SNCG: variants seen among roughly 807,000 people sequenced by gnomAD.
SNCG encodes gamma-synuclein.
SNCG carries 13 observed loss-of-function variants against 16.0 expected under a neutral mutation model. That is an observed-to-expected ratio of 0.81 (90% confidence interval 0.53 to 1.29). The LOEUF is 1.29. Among genes scored for constraint, SNCG ranks in the 50% most tolerant of loss-of-function variants. The pLI, the probability that SNCG is intolerant of heterozygous loss-of-function variation, is 0.00. For synonymous variants in SNCG, 66 were observed against 66.3 expected, an observed-to-expected ratio of 1.00 and a Z score of 0.02; for missense variants, 154 against 168.5, an observed-to-expected ratio of 0.91 and a Z score of 0.48.
At chr10:86,957,927 A>T, upstream of SNCG, 1 of 1,042,738 alleles carries the variant, frequency 9.6e-7, no homozygotes, top group Non-Finnish European at 1.2e-6. Context: ...CCTGCTGCCC[A>T]TCCACACTGC....
chr10:86,959,613 C>T lies in SNCG; in HGVS notation c.122-20C>T. On this transcript the variant is annotated intron_variant, in intron 1 of 4. Transcript: ENST00000372017. This position sits in a 1 kb window ranked among gnomAD's most constrained non-coding sequence, Gnocchi z 4.3. ...ACACCTCGAGGGAGGTCTGGGCTGA[C>T]AGCTCCATTTCCTCCCCAGGAGCCA... is the stretch of plus-strand genomic sequence containing the variant. 3 of 1,613,182 alleles carry T rather than the reference C, an allele frequency of 1.9e-6. No homozygotes were observed. Among genetic ancestry groups the T allele is most frequent in the Middle Eastern group, 1.7e-4 (1 of 6,058 alleles).
rs552659947 is a variant in SNCG at position 86,962,451 on chromosome 10, C to T, written c.292-153C>T. Among the ~76,000 whole-genome samples the T allele has an allele frequency of 9.2e-5, 14 of 152,234 alleles. 1 individual carries two copies. In the South Asian group the frequency reaches 1.2e-3, roughly 14 times the overall value. ...AGCCCCGGGTATTGTCTGAATTGCA[C>T]GCCCCCAATACCTCCAGCCCCTCCA... On this transcript the variant is annotated intron_variant, in intron 3 of 4. Coordinates refer to ENST00000372017, the MANE Select transcript of SNCG (RefSeq NM_003087.3).
Position 86,960,018 on chromosome 10 carries a change from G to A in SNCG, c.181G>A (p.Glu61Lys). ...TCCCATAGTGGCCGAGAAGACCAAGGAGCAGGCCAACGCCGTGAGCGAGGC... is the reference window on the plus strand; with the variant it reads ...TCCCATAGTGGCCGAGAAGACCAAGAAGCAGGCCAACGCCGTGAGCGAGGC... ...SVTSVAEKTKEQANAVSEAVV... is the reference protein window; with the variant it reads ...SVTSVAEKTKKQANAVSEAVV... The change falls in exon 3 of 5, where the codon GAG (glutamate) becomes AAG (lysine). Residue 61 changes from glutamate to lysine, a missense_variant. Physicochemically the swap from Glu to Lys is moderately conservative, Grantham distance 56. Transcript: ENST00000372017. The A allele has an allele frequency of 6.2e-7, 1 of 1,605,076 alleles. No individual in the cohort carries two copies. Among genetic ancestry groups the A allele is most frequent in the African/African-American group, 1.3e-5 (1 of 74,968 alleles).
chr10:86,962,213 CCAAT>C (rs1253080615), intron 3 of SNCG, among the ~76,000 whole-genome samples: 62 of 152,122 alleles, frequency 4.1e-4, no homozygotes, highest in Admixed American at 8.5e-4. Flanking sequence ...TATGTGAACC[CCAAT>C]CAGTCTTCCT....
chr10:86,958,436 G>A, upstream of SNCG: 1 of 985,424 alleles, frequency 1.0e-6, no homozygotes, highest in Non-Finnish European at 1.2e-6. Context: ...TGAGCCAGCA[G>A]GAGCCCAGGG....
upstream of SNCG, among the ~76,000 whole-genome samples, chr10:86,955,990 G>A (rs1165547174): frequency 1.3e-5 from 2 of 152,166 alleles, no homozygotes; most frequent in African/African-American, 2.4e-5. Context: ...AGGGGGTGGG[G>A]AGGAAGAGGA....
Position 86,962,997 on chromosome 10 carries a change from C to G in SNCG, c.*12C>G. The G allele has an allele frequency of 6.2e-7, 1 of 1,601,712 alleles. No individual in the cohort carries two copies. Among genetic ancestry groups the G allele is most frequent in the Non-Finnish European group, 8.5e-7 (1 of 1,174,902 alleles). On this transcript the variant is annotated 3_prime_UTR_variant, in exon 5 of 5. Transcript: ENST00000372017. Reference sequence around the variant, plus strand: ...GTGGGGGAGACTAGAGGGCTACAGGCCAGCGTGGATGACCTGAAGAGCGCT... The same window carrying G: ...GTGGGGGAGACTAGAGGGCTACAGGGCAGCGTGGATGACCTGAAGAGCGCT...
Position 86,962,956 on chromosome 10 carries a change from C to G in SNCG, c.364-9C>G, listed in dbSNP as rs1305179184. ...TGGAGCTGGGTGTGCAGGTCATTCTCTCTCCCAGGCCCAGAGTGGGGGAGA... is the reference window on the plus strand; with the variant it reads ...TGGAGCTGGGTGTGCAGGTCATTCTGTCTCCCAGGCCCAGAGTGGGGGAGA... On this transcript the variant is annotated splice_polypyrimidine_tract_variant and intron_variant, in intron 4 of 4. Coordinates refer to ENST00000372017, the MANE Select transcript of SNCG (RefSeq NM_003087.3). 6.2e-7 allele frequency: 1 copy of G among 1,601,544 alleles called. No individual in the cohort carries two copies. Among genetic ancestry groups the G allele is most frequent in the Non-Finnish European group, 8.5e-7 (1 of 1,175,088 alleles).
rs952172429 is a variant in SNCG at position 86,959,744 on chromosome 10, G to A, written c.163+70G>A. ...TGGGGCTCCTGCATCCTAGTGCTGG[G>A]GCTCAAACCTAGAGTCCTGCCTTAC... On this transcript the variant is annotated intron_variant, in intron 2 of 4. Coordinates refer to ENST00000372017, the MANE Select transcript of SNCG (RefSeq NM_003087.3). The surrounding 1 kb of genome is among the most constrained non-coding windows in gnomAD (Gnocchi z 4.3). The A allele has an allele frequency of 2.1e-5, 31 of 1,453,760 alleles. No individual in the cohort carries two copies. Among genetic ancestry groups the A allele is most frequent in the African/African-American group, 8.5e-5 (6 of 70,896 alleles). The allele number at this position is 1,453,760 out of a possible 1,614,324, so 90.1% of individuals were successfully genotyped here.
At chr10:86,962,557 T>G (rs1304667648) in intron 3 of SNCG, 47 bp from the exon 4 acceptor site, 2 of 1,430,832 alleles carry the variant, frequency 1.4e-6, no homozygotes, top group Admixed American at 3.6e-5. Context: ...CAGCTAGGGG[T>G]CTCTGCATTC....
upstream of SNCG, chr10:86,958,328 C>T: frequency 2.0e-6 from 2 of 985,404 alleles, no homozygotes; most frequent in Non-Finnish European, 2.4e-6. Flanking sequence ...GCCAGGGCTG[C>T]CCCCATGGGT....
At chr10:86,961,881 C>T (rs932413466) in intron 3 of SNCG, among the ~76,000 whole-genome samples, 1 of 152,240 alleles carries the variant, frequency 6.6e-6, no homozygotes, top group Admixed American at 6.5e-5. Flanking sequence ...CCCCGTCCCC[C>T]GCCAGAGGCA....
chr10:86,962,921 G>A, intron 4 of SNCG, 44 bp from the exon 5 acceptor site: 4 of 1,584,724 alleles, frequency 2.5e-6, no homozygotes, highest in Non-Finnish European at 3.4e-6. Context: ...GGCCCATTAA[G>A]GCTGGGGCCT....
Position 86,959,605 on chromosome 10 carries a change from T to C in SNCG, c.122-28T>C. 1 of 1,612,580 alleles carries C rather than the reference T, an allele frequency of 6.2e-7. No individual in the cohort carries two copies. Among genetic ancestry groups the C allele is most frequent in the Non-Finnish European group, 8.5e-7 (1 of 1,178,994 alleles). Reference sequence around the variant, plus strand: ...CGCCCCCAACACCTCGAGGGAGGTCTGGGCTGACAGCTCCATTTCCTCCCC... The same window carrying C: ...CGCCCCCAACACCTCGAGGGAGGTCCGGGCTGACAGCTCCATTTCCTCCCC... On this transcript the variant is annotated intron_variant, in intron 1 of 4. Transcript: ENST00000372017. The surrounding 1 kb of genome is among the most constrained non-coding windows in gnomAD (Gnocchi z 4.3).
chr10:86,959,885 G>C lies in SNCG; in HGVS notation c.164-116G>C. On this transcript the variant is annotated intron_variant, in intron 2 of 4. Coordinates refer to ENST00000372017, the MANE Select transcript of SNCG (RefSeq NM_003087.3). The surrounding 1 kb of genome is among the most constrained non-coding windows in gnomAD (Gnocchi z 4.3). ...TGCCCTGGAGTCAGAGGGAGCAGGG[G>C]AGGGTCCCAGCAGGGCCAGGGCTCT... is the stretch of plus-strand genomic sequence containing the variant. 6.7e-7 allele frequency: 1 copy of C among 1,490,020 alleles called. No individual in the cohort carries two copies. Among genetic ancestry groups the C allele is most frequent in the Non-Finnish European group, 9.1e-7 (1 of 1,104,556 alleles). The allele number at this position is 1,490,020 out of a possible 1,614,324, so 92.3% of individuals were successfully genotyped here.
rs1183573182 is a variant in SNCG, at chr10:86,963,234, C to G, written c.*249C>G. ...CTGTGAATTTTTTTTTTAAATGATTCCAAATAAAACTTGAGCCCACTCCTG... is the reference window on the plus strand; with the variant it reads ...CTGTGAATTTTTTTTTTAAATGATTGCAAATAAAACTTGAGCCCACTCCTG... On this transcript the variant is annotated 3_prime_UTR_variant, in exon 5 of 5. Transcript: ENST00000372017. The G allele has an allele frequency of 2.4e-6, 1 of 422,072 alleles. No homozygotes were observed. Among genetic ancestry groups the G allele is most frequent in the African/African-American group, 2.1e-5 (1 of 48,666 alleles). The allele number at this position is 422,072 out of a possible 1,614,324, so 26.1% of individuals were successfully genotyped here. A position where few individuals can be genotyped will look rare whatever the true frequency, so the allele number is the denominator to read the frequency against.
chr10:86,959,680 A>T lies in SNCG; in HGVS notation c.163+6A>T. The stretch of plus-strand genomic sequence containing the variant: ...TGTACAGAGCGTGACCTCAGGTGAG[A>T]AGCCCCAGGGCCAGGGGACACATGG... On this transcript the variant is annotated splice_donor_region_variant and intron_variant, in intron 2 of 4. Coordinates refer to ENST00000372017, the MANE Select transcript of SNCG (RefSeq NM_003087.3). This position sits in a 1 kb window ranked among gnomAD's most constrained non-coding sequence, Gnocchi z 4.3. The T allele has an allele frequency of 6.2e-7, 1 of 1,607,242 alleles. No homozygotes were observed.
chr10:86,957,495 C>T (rs1203590709), upstream of SNCG: 1 of 1,613,074 alleles, frequency 6.2e-7, no homozygotes, highest in Admixed American at 1.7e-5. Context: ...CCCCAGCAGC[C>T]CCCAGCCCAG....
In SNCG at chr10:86,963,099, C is replaced by A. The variant is rs1844385230; in HGVS notation, c.*114C>A. 2 of 1,094,864 alleles carry A rather than the reference C, an allele frequency of 1.8e-6. No homozygotes were observed. Among genetic ancestry groups the A allele is most frequent in the Non-Finnish European group, 2.6e-6 (2 of 772,440 alleles). The allele number at this position is 1,094,864 out of a possible 1,614,324, so 67.8% of individuals were successfully genotyped here. A position where few individuals can be genotyped will look rare whatever the true frequency, so the allele number is the denominator to read the frequency against. Reference sequence around the variant, plus strand: ...TGACATGCGGCTGCCCACGCTCCTGCCCTCGTCTCCCTGGCCACCCTTGGC... The same window carrying A: ...TGACATGCGGCTGCCCACGCTCCTGACCTCGTCTCCCTGGCCACCCTTGGC... On this transcript the variant is annotated 3_prime_UTR_variant, in exon 5 of 5. Coordinates refer to ENST00000372017, the MANE Select transcript of SNCG (RefSeq NM_003087.3).
Sources: allele counts gnomAD v4.1 joint callset (sites outside exome capture counted in the v4.1 genomes callset), GRCh38; gene constraint gnomAD v4.1.1; non-coding constraint Gnocchi (gnomAD v3.1); transcripts MANE v1.5; gene names NCBI Gene and HGNC (gene_info 2026-07-23, HGNC 2026-07-21).